The following CCDC33 variants were observed in gnomAD, a reference collection of about 807,000 sequenced individuals.
CCDC33 encodes coiled-coil domain containing 33, also known as coiled-coil domain-containing protein 33.
A neutral mutation model predicts 91.9 loss-of-function variants in CCDC33; 94 were observed. The ratio of observed to expected loss-of-function variants is 1.02; its 90% CI spans 0.87 to 1.21. The LOEUF (loss-of-function observed/expected upper bound fraction) is 1.21. Ranked by LOEUF, CCDC33 falls within the 50% of genes most tolerant of loss-of-function variation. The pLI is 0.00. For missense variants in CCDC33, 940 were observed against 935.5 expected (o/e 1.00, Z -0.06); for synonymous variants, 396 against 374.5 (o/e 1.06, Z -0.66).
chr15:74,280,512 C>T (rs2059338480), intron 8 of CCDC33, among the ~76,000 whole-genome samples, 156 bp from the exon 9 acceptor site: 1 of 152,148 alleles, frequency 6.6e-6, no homozygotes, highest in Non-Finnish European at 1.5e-5. Flanking sequence ...TTTGAGTTCA[C>T]AAAGCCCTGA....
rs770398247 is a variant in CCDC33, at chr15:74,335,962, C to T, written c.2177C>T (p.Ser726Leu). Residue 726 changes from serine (S) to leucine (L), a missense_variant, in exon 19 of 19, where the codon TCA (serine) becomes TTA (leucine). By Grantham distance (145) the Ser-to-Leu change is moderately radical. Transcript: ENST00000398814. ...LTHSMDLKQP[S>L]ELEPLLPSSD... ...CACTCCATGGACCTCAAGCAGCCCT[C>T]AGAGCTGGAGCCCCTGCTGCCCAGC... 6.2e-7 allele frequency: 1 copy of T among 1,613,990 alleles called. No homozygotes were observed. Among genetic ancestry groups the T allele is most frequent in the Non-Finnish European group, 8.5e-7 (1 of 1,179,996 alleles).
chr15:74,220,176 CAG>C (rs2074552958), intron 2 of CCDC33, among the ~76,000 whole-genome samples: 4 of 152,282 alleles, frequency 2.6e-5, no homozygotes, highest in African/African-American at 9.6e-5. Flanking sequence ...AGTGATAGGG[CAG>C]CATGTACCAG....
At chr15:74,288,991 A>G (rs1280721676) in intron 10 of CCDC33, among the ~76,000 whole-genome samples, 3 of 152,186 alleles carry the variant, frequency 2.0e-5, no homozygotes, top group Admixed American at 2.0e-4. Context: ...TGCTCGGTAA[A>G]GGGATCTCTT....
rs1439769647 is a variant in CCDC33, at chr15:74,218,569, G to C, written c.383G>C (p.Gly128Ala). The C allele has an allele frequency of 1.6e-6, 2 of 1,289,790 alleles. No homozygotes were observed. The highest frequency in any genetic ancestry group is 2.0e-6 in the Non-Finnish European group (2 of 988,866). The allele number at this position is 1,289,790 out of a possible 1,614,324, so 79.9% of individuals were successfully genotyped here. A position where few individuals can be genotyped will look rare whatever the true frequency, so the allele number is the denominator to read the frequency against. Residue 128 changes from glycine (G) to alanine (A), a missense_variant, in exon 2 of 3, where the codon GGA becomes GCA. By Grantham distance (60) the Gly-to-Ala change is moderately conservative (BLOSUM62 0). Coordinates refer to the CCDC33 transcript ENST00000635913. This position sits in a 1 kb window ranked among gnomAD's most constrained non-coding sequence, Gnocchi z 4.8. The stretch of plus-strand genomic sequence containing the variant: ...GCACTGAGGCTGGACGAACCCTTGG[G>C]ACGGGCAGCCCAGCGGGTGGGTGAG...
At chr15:74,260,015 G>T (rs572749222) in intron 2 of CCDC33, among the ~76,000 whole-genome samples, 1 of 152,226 alleles carries the variant, frequency 6.6e-6, no homozygotes, top group East Asian at 1.9e-4. Flanking sequence ...CCCTGAGGAG[G>T]GAGGCTGTGA....
In CCDC33 at chr15:74,249,495, T is replaced by A. The variant is rs201948114; in HGVS notation, c.185+5347T>A. Among the ~76,000 whole-genome samples, 1,101 of 131,968 alleles carry A rather than the reference T, an allele frequency of 8.3e-3. 14 individuals carry two copies. The highest frequency in any genetic ancestry group is 0.032 in the African/African-American group (1,062 of 33,178). 86.6% of individuals were successfully genotyped at this position (131,968 alleles called of 152,430 possible). ...AGAGCGAGGCTCCGTCTAAAAAAAA[T>A]AATAAAAAAATAAAAACAACTTGAA... is the stretch of plus-strand genomic sequence containing the variant. On this transcript the variant is annotated intron_variant, in intron 2 of 18. Transcript: ENST00000398814.
At chr15:74,332,239 G>A (rs1343422841) in intron 15 of CCDC33, among the ~76,000 whole-genome samples, 2 of 152,134 alleles carry the variant, frequency 1.3e-5, no homozygotes, top group Non-Finnish European at 2.9e-5. Context: ...AGCCTTCACC[G>A]CTGAGGGTCT....
intron 10 of CCDC33, among the ~76,000 whole-genome samples, chr15:74,283,023 C>T (rs1254139647): frequency 1.3e-5 from 2 of 152,194 alleles, no homozygotes; most frequent in Non-Finnish European, 2.9e-5. Flanking sequence ...TCTGTGACCT[C>T]ACTCATGAAG....
At chr15:74,304,175 G>C (rs2059848393) in intron 11 of CCDC33, 1 of 152,202 alleles carries the variant, frequency 6.6e-6, no homozygotes. Context: ...TAAGTAGAGG[G>C]AACACTGTCA....
chr15:74,332,914 C>G, intron 16 of CCDC33, 69 bp downstream of exon 16: 2 of 1,550,402 alleles, frequency 1.3e-6, no homozygotes, highest in Admixed American at 3.8e-5. Context: ...CATGGTACAA[C>G]CCAAGTTGAA....
At chr15:74,306,924 C>T (rs1487442703) in intron 11 of CCDC33, among the ~76,000 whole-genome samples, 1 of 152,182 alleles carries the variant, frequency 6.6e-6, no homozygotes, top group Non-Finnish European at 1.5e-5. Flanking sequence ...TGACCCCTCC[C>T]CTCCTGGGCC....
chr15:74,327,776 C>A lies in CCDC33; in HGVS notation c.1291-2413C>A, dbSNP rs2060339378. Among the ~76,000 whole-genome samples, 7 of 152,270 alleles carry A rather than the reference C, an allele frequency of 4.6e-5. 1 individual carries two copies. The South Asian group carries it at 1.5e-3, about 32-fold the overall frequency. The stretch of plus-strand genomic sequence containing the variant: ...TGGGGTGGGCTGAGGAACTGGCAGC[C>A]CCCTCCCCCAGGACTCACTCCATGA... On this transcript the variant is annotated intron_variant, in intron 11 of 18. Coordinates refer to ENST00000398814, the MANE Select transcript of CCDC33 (RefSeq NM_025055.5).
Position 74,223,670 on chromosome 15 carries a change from G to C in CCDC33, c.675+4809G>C, listed in dbSNP as rs1313713780. 3.5e-5 allele frequency among the ~76,000 whole-genome samples: 5 copies of C among 142,546 alleles called. No individual in the cohort carries two copies. In the South Asian group the frequency reaches 1.1e-3, roughly 31 times the overall value. 93.5% of individuals were successfully genotyped at this position (142,546 alleles called of 152,430 possible). On this transcript the variant is annotated intron_variant, in intron 2 of 2. Coordinates refer to the CCDC33 transcript ENST00000635913. Reference sequence around the variant, plus strand: ...CCCTCTGGGCCTCAGGCCCGAGCAGGTCAGCCCCGTCCAGGCAGCATGCTT... The same window carrying C: ...CCCTCTGGGCCTCAGGCCCGAGCAGCTCAGCCCCGTCCAGGCAGCATGCTT...
intron 2 of CCDC33, among the ~76,000 whole-genome samples, chr15:74,256,000 A>G (rs1023733004): frequency 6.6e-6 from 1 of 152,248 alleles, no homozygotes; most frequent in African/African-American, 2.4e-5. Flanking sequence ...TTCTTTCAGC[A>G]AACACCTGCT....
chr15:74,209,298 G>C, intron 1 of CCDC33: 1 of 1,407,198 alleles, frequency 7.1e-7, no homozygotes, highest in South Asian at 1.2e-5. Context: ...CCTGCACAGG[G>C]CTTTGATGGC....
chr15:74,235,937 C>T (rs1196468305), upstream of CCDC33, among the ~76,000 whole-genome samples: 11 of 152,220 alleles, frequency 7.2e-5, no homozygotes, highest in East Asian at 2.1e-3. Context: ...AGAAACCATC[C>T]TCTTGAAGTT....
intron 11 of CCDC33, among the ~76,000 whole-genome samples, chr15:74,324,861 C>T (rs2060277850): frequency 6.7e-6 from 1 of 149,026 alleles, no homozygotes; most frequent in South Asian, 2.2e-4. Flanking sequence ...CTCCTCCTCT[C>T]CTCATCCCCC....
intron 4 of CCDC33, among the ~76,000 whole-genome samples, chr15:74,267,246 G>A (rs1353669454): frequency 6.6e-6 from 1 of 152,246 alleles, no homozygotes; most frequent in Admixed American, 6.5e-5. Flanking sequence ...CTGGGTCACA[G>A]AGCAAGTGAG....
chr15:74,272,785 A>T lies in CCDC33; in HGVS notation c.653A>T (p.Asn218Ile). 1 of 1,614,164 alleles carries T rather than the reference A, an allele frequency of 6.2e-7. No homozygotes were observed. Among genetic ancestry groups the T allele is most frequent in the Non-Finnish European group, 8.5e-7 (1 of 1,180,024 alleles). ...TGCCTCCCCAGGGTCAGCCAGGCTA[A>T]CAGGGACCTGGCCTCTGTGGGGCTG... ...NYKEFKVSQA[N>I]RDLASVGLPI... Residue 218 changes from asparagine to isoleucine, a missense_variant, in exon 7 of 19, where the codon AAC becomes ATC. Physicochemically the swap from Asn to Ile is moderately radical, Grantham distance 149 (BLOSUM62 -3). Coordinates refer to ENST00000398814, the MANE Select transcript of CCDC33 (RefSeq NM_025055.5).
Sources: allele counts gnomAD v4.1 joint callset (sites outside exome capture counted in the v4.1 genomes callset), GRCh38; gene constraint gnomAD v4.1.1; non-coding constraint Gnocchi (gnomAD v3.1); transcripts MANE v1.5; gene names NCBI Gene and HGNC (gene_info 2026-07-23, HGNC 2026-07-21).